The following BLOC1S5 variants were observed in gnomAD, a reference collection of about 807,000 sequenced individuals.
BLOC1S5 encodes the protein biogenesis of lysosome-related organelles complex 1 subunit 5.
Under a neutral mutation model 24.3 loss-of-function variants are expected in BLOC1S5, and 27 were observed. The observed-to-expected ratio is 1.11, with a 90% CI of 0.82 to 1.53. The LOEUF is 1.53. Ranked by LOEUF, BLOC1S5 falls within the 40% of genes most tolerant of loss-of-function variation. The probability of loss-of-function intolerance (pLI) is 0.00; values close to 1 mark genes in which losing one functional copy is unlikely to be tolerated. For synonymous variants in BLOC1S5, 84 were observed against 74.5 expected (o/e 1.13, Z -0.66); for missense variants, 239 against 229.4 (o/e 1.04, Z -0.27).
chr6:8,039,721 G>A (rs1763615249), intron 3 of BLOC1S5, among the ~76,000 whole-genome samples: 1 of 152,106 alleles, frequency 6.6e-6, no homozygotes. Flanking sequence ...AATTACTAGT[G>A]AGTGGCTATA....
At chr6:8,058,110 C>G (rs892483129) in intron 2 of BLOC1S5, among the ~76,000 whole-genome samples, 3 of 152,110 alleles carry the variant, frequency 2.0e-5, no homozygotes, top group African/African-American at 4.8e-5. Context: ...CTCTTGCTAT[C>G]AACACCTAAA....
At chr6:8,022,478 C>G (rs1471003760) in intron 4 of BLOC1S5, among the ~76,000 whole-genome samples, 1 of 151,440 alleles carries the variant, frequency 6.6e-6, no homozygotes, top group African/African-American at 2.4e-5. Context: ...AAAACTATTT[C>G]CTTTGATAAG....
intron 3 of BLOC1S5, among the ~76,000 whole-genome samples, chr6:8,033,385 C>T (rs1342275537): frequency 6.6e-6 from 1 of 152,110 alleles, no homozygotes; most frequent in Non-Finnish European, 1.5e-5. Flanking sequence ...GGAAAGGATT[C>T]CCTATTTAAT....
intron 2 of BLOC1S5, among the ~76,000 whole-genome samples, chr6:8,049,808 C>T (rs1473523912): frequency 6.6e-6 from 1 of 151,844 alleles, no homozygotes; most frequent in Non-Finnish European, 1.5e-5. Flanking sequence ...GCTTCCTGGG[C>T]TCAAGCGATC....
At chr6:8,021,123 T>G (rs1762900846) in intron 4 of BLOC1S5, among the ~76,000 whole-genome samples, 1 of 152,198 alleles carries the variant, frequency 6.6e-6, no homozygotes, top group African/African-American at 2.4e-5. Flanking sequence ...TCGATGACAT[T>G]ACACTAAAGA....
intron 4 of BLOC1S5, among the ~76,000 whole-genome samples, chr6:8,019,413 C>A (rs1280022127): frequency 6.6e-6 from 1 of 152,012 alleles, no homozygotes; most frequent in Non-Finnish European, 1.5e-5. Context: ...GGATTACAGG[C>A]AACCACCACC....
At chr6:8,029,869 A>G (rs1441586982) in intron 3 of BLOC1S5, among the ~76,000 whole-genome samples, 6 of 152,164 alleles carry the variant, frequency 3.9e-5, no homozygotes, top group Admixed American at 3.9e-4. Context: ...AAATACAAAG[A>G]CTCTCTAAGC....
chr6:8,041,162 C>G lies in BLOC1S5; in HGVS notation c.302G>C (p.Ser101Thr), dbSNP rs746979922. Residue 101 changes from serine (S) to threonine (T), a missense_variant, in exon 3 of 5, where the codon AGC becomes ACC. Physicochemically the swap from Ser to Thr is moderately conservative, Grantham distance 58 (BLOSUM62 1). Transcript: ENST00000397457. ...ACATCTCTGGAGAACCTGGCTGAGGCTGTCCCGCATTGTGTCTCTACATTT... is the reference window on the plus strand; with the variant it reads ...ACATCTCTGGAGAACCTGGCTGAGGGTGTCCCGCATTGTGTCTCTACATTT... ...LPKCRDTMRDSLSQVLQRLQA... is the reference protein window; with the variant it reads ...LPKCRDTMRDTLSQVLQRLQA... 1.2e-6 allele frequency: 2 copies of G among 1,604,696 alleles called. No individual in the cohort carries two copies. Among genetic ancestry groups the G allele is most frequent in the Admixed American group, 3.4e-5 (2 of 58,404 alleles).
chr6:8,058,704 A>T (rs115190737), intron 2 of BLOC1S5, among the ~76,000 whole-genome samples: 1 of 152,200 alleles, frequency 6.6e-6, no homozygotes, highest in Admixed American at 6.5e-5. Flanking sequence ...CAAAACAAAA[A>T]AAATGCCACC....
intron 2 of BLOC1S5, among the ~76,000 whole-genome samples, chr6:8,052,052 C>T (rs1764125769): frequency 6.6e-6 from 1 of 150,680 alleles, no homozygotes; most frequent in African/African-American, 2.4e-5. Context: ...CTGCAAGCTC[C>T]GCCTCCCGGG....
intron 3 of BLOC1S5, among the ~76,000 whole-genome samples, chr6:8,040,805 G>C (rs1202214142): frequency 6.6e-6 from 1 of 151,662 alleles, no homozygotes; most frequent in African/African-American, 2.4e-5. Context: ...GTAGTGAGCT[G>C]AGATTGCACC....
At chr6:8,023,840 A>G (rs1001662624) in intron 4 of BLOC1S5, among the ~76,000 whole-genome samples, 1 of 152,120 alleles carries the variant, frequency 6.6e-6, no homozygotes, top group African/African-American at 2.4e-5. Flanking sequence ...ATATGTGCAC[A>G]TGTGTATATG....
intron 2 of BLOC1S5, among the ~76,000 whole-genome samples, chr6:8,061,437 A>G (rs927584243): frequency 1.3e-5 from 2 of 151,972 alleles, no homozygotes; most frequent in Non-Finnish European, 2.9e-5. Flanking sequence ...CCAATTACAC[A>G]TGTTACTTAA....
Position 8,015,779 on chromosome 6 carries a change from C to T in BLOC1S5, c.434G>A (p.Trp145Ter), listed in dbSNP as rs1243347385. The part of the protein sequence containing the change: ...VASEKQHMLQ[W>*]DNFMKEQPNK... Reference sequence around the variant, plus strand: ...GGGTTGCTCCTTCATGAAGTTGTCCCACTGGAGCATATGCTGTTTCTCACT... The same window carrying T: ...GGGTTGCTCCTTCATGAAGTTGTCCTACTGGAGCATATGCTGTTTCTCACT... The change falls in exon 5 of 5, where the codon TGG (tryptophan) becomes TAG (stop). Residue 145 changes from tryptophan to a stop codon, truncating the protein, a stop_gained. Transcript: ENST00000397457. LOFTEE classifies it high-confidence loss of function. 6.2e-7 allele frequency: 1 copy of T among 1,614,122 alleles called. No individual in the cohort carries two copies. Among genetic ancestry groups the T allele is most frequent in the Non-Finnish European group, 8.5e-7 (1 of 1,180,016 alleles).
rs111955375 is a variant in BLOC1S5 at position 8,041,655 on chromosome 6, C to CTTTCTTTTTTTTTTTTTTTT, written c.196-388_196-387insAAAAAAAAAAAAAAAAGAAA. On this transcript the variant is annotated intron_variant, in intron 2 of 4. Transcript: ENST00000397457. ...TAGTAATTACTTTCTTTCTTTCTTT[C>CTTTCTTTTTTTTTTTTTTTT]TTTTTTTTTGAGATGCAGTCTCGCC... Among the ~76,000 whole-genome samples the CTTTCTTTTTTTTTTTTTTTT allele has an allele frequency of 2.7e-5, 3 of 111,870 alleles. 1 individual carries two copies. Among genetic ancestry groups the CTTTCTTTTTTTTTTTTTTTT allele is most frequent in the East Asian group, 3.0e-4 (1 of 3,348 alleles). 73.4% of individuals were successfully genotyped at this position (111,870 alleles called of 152,430 possible).
At chr6:8,017,965 C>T (rs1762800212) in intron 4 of BLOC1S5, 1 of 152,202 alleles carries the variant, frequency 6.6e-6, no homozygotes, top group African/African-American at 2.4e-5. Context: ...CTGAAGCTCC[C>T]CAGCACCAAG....
intron 4 of BLOC1S5, among the ~76,000 whole-genome samples, chr6:8,021,842 T>C (rs990179359): frequency 6.6e-6 from 1 of 152,112 alleles, no homozygotes; most frequent in Non-Finnish European, 1.5e-5. Context: ...ATACCAACTT[T>C]AAAAGAAAAT....
intron 3 of BLOC1S5, among the ~76,000 whole-genome samples, chr6:8,037,590 C>T (rs957594498): frequency 7.2e-5 from 11 of 152,184 alleles, no homozygotes; most frequent in Admixed American, 2.0e-4. Flanking sequence ...AAAATACCAA[C>T]GACATTTTTC....
intron 3 of BLOC1S5, among the ~76,000 whole-genome samples, chr6:8,035,328 CA>C (rs1173386450): frequency 2.2e-5 from 3 of 137,858 alleles, no homozygotes; most frequent in African/African-American, 7.9e-5. Context: ...TTAAAATTTT[CA>C]AAAAGGAATA....
Sources: gnomAD v4.1 joint callset for allele counts (sites outside exome capture counted in the v4.1 genomes callset) on GRCh38, gnomAD v4.1.1 for gene constraint, MANE v1.5 for transcripts, NCBI Gene and HGNC (gene_info 2026-07-23, HGNC 2026-07-21) for gene names.